ZBTB9: variants seen among roughly 807,000 people sequenced by gnomAD.
ZBTB9 encodes the protein zinc finger and BTB domain-containing protein 9.
A neutral mutation model predicts 26.3 loss-of-function variants in ZBTB9; 17 were observed. That is an observed-to-expected ratio of 0.65 (90% CI 0.44 to 0.97). The LOEUF is 0.97. ZBTB9 is among the 50% of genes least tolerant of loss of function. The pLI is 0.00. For synonymous variants in ZBTB9, 226 were observed against 234.3 expected, an observed-to-expected ratio of 0.96 and a Z score of 0.32; for missense variants, 510 against 594.2, an observed-to-expected ratio of 0.86 and a Z score of 1.47.
At position 33,455,508 on chromosome 6, in the gene ZBTB9, A is replaced by T; in HGVS notation, c.408A>T (p.Glu136Asp). The T allele has an allele frequency of 6.2e-7, 1 of 1,614,138 alleles. No homozygotes were observed. The highest frequency in any genetic ancestry group is 8.5e-7 in the Non-Finnish European group (1 of 1,179,994). Residue 136 changes from glutamate to aspartate, a missense_variant, in exon 2 of 2, where the codon GAA (glutamate) becomes GAT (aspartate). By Grantham distance (45) the Glu-to-Asp change is conservative (BLOSUM62 2). Coordinates refer to ENST00000395064, the MANE Select transcript of ZBTB9 (RefSeq NM_152735.4). ...GGCAGGTAGTAGATCAGTGCTCAGAAATTCTTAGAGAATTAGAAACTTCAG... is the reference window on the plus strand; with the variant it reads ...GGCAGGTAGTAGATCAGTGCTCAGATATTCTTAGAGAATTAGAAACTTCAG... Reference protein sequence around the residue: ...QMWQVVDQCSEILRELETSGG... With the variant: ...QMWQVVDQCSDILRELETSGG...
At position 33,455,775 on chromosome 6, in the gene ZBTB9, C is replaced by G; in HGVS notation, c.675C>G (p.Asp225Glu). Reference protein sequence around the residue: ...EEEEEDDDDEDQGSATLSQTP... With the variant: ...EEEEEDDDDEEQGSATLSQTP... ...AGGAGGAAGATGATGATGATGAGGA[C>G]CAGGGGTCAGCCACACTCTCTCAGA... is the stretch of plus-strand genomic sequence containing the variant. The change falls in exon 2 of 2, where the codon GAC becomes GAG. Residue 225 changes from aspartate to glutamate, a missense_variant. Around this residue, in one of 2 missense-constraint regions of ZBTB9, gnomAD observed 439 missense variants for 460.4 expected, o/e 0.95. Coordinates refer to ENST00000395064, the MANE Select transcript of ZBTB9 (RefSeq NM_152735.4). The G allele has an allele frequency of 6.2e-7, 1 of 1,612,442 alleles. No homozygotes were observed.
In ZBTB9 at chr6:33,456,793, T is replaced by C. The variant is rs1054561758; in HGVS notation, c.*271T>C. ...ACTTAAGTTGATCACTTGCCCATGG[T>C]GGACATTTTTGTGGTGGTGATGTCC... On this transcript the variant is annotated 3_prime_UTR_variant, in exon 2 of 2. Coordinates refer to ENST00000395064, the MANE Select transcript of ZBTB9 (RefSeq NM_152735.4). The surrounding 1 kb of genome is among the most constrained non-coding windows in gnomAD (Gnocchi z 5.1). 58 of 449,510 alleles carry C rather than the reference T, an allele frequency of 1.3e-4. No individual in the cohort carries two copies. The highest frequency in any genetic ancestry group is 9.4e-4 in the African/African-American group (47 of 49,964). The allele number at this position is 449,510 out of a possible 1,614,324, so 27.8% of individuals were successfully genotyped here.
At position 33,456,673 on chromosome 6, in the gene ZBTB9, C is replaced by G; in HGVS notation, c.*151C>G. ...GGACCTCTTGTTCTTAGATATGGGC[C>G]TCTCAGCCTGGCAGATGTGGAAACT... On this transcript the variant is annotated 3_prime_UTR_variant, in exon 2 of 2. Coordinates refer to ENST00000395064, the MANE Select transcript of ZBTB9 (RefSeq NM_152735.4). This position sits in a 1 kb window ranked among gnomAD's most constrained non-coding sequence, Gnocchi z 5.1. 2 of 1,336,622 alleles carry G rather than the reference C, an allele frequency of 1.5e-6. No homozygotes were observed. Among genetic ancestry groups the G allele is most frequent in the Non-Finnish European group, 2.0e-6 (2 of 1,015,284 alleles). 82.8% of individuals were successfully genotyped at this position (1,336,622 alleles called of 1,614,324 possible). A position where few individuals can be genotyped will look rare whatever the true frequency, so the allele number is the denominator to read the frequency against.
Position 33,455,379 on chromosome 6 carries a change from C to G in ZBTB9, c.279C>G (p.Ala93=). 2.5e-6 allele frequency: 4 copies of G among 1,614,132 alleles called. No individual in the cohort carries two copies. The highest frequency in any genetic ancestry group is 2.5e-6 in the Non-Finnish European group (3 of 1,180,030). Residue 93 remains alanine (A), a synonymous_variant, in exon 2 of 2, where the codon GCC becomes GCG. Coordinates refer to ENST00000395064, the MANE Select transcript of ZBTB9 (RefSeq NM_152735.4). The part of the protein sequence containing the change: ...PRLTLPSVIE[A]DAFEGLLQLI... ...TCACTCTACCGAGTGTCATTGAAGC[C>G]GATGCCTTCGAGGGGCTGCTCCAGC... is the stretch of plus-strand genomic sequence containing the variant.
At chr6:33,454,144 C>G (rs1376282129), upstream of ZBTB9, 1 of 152,262 alleles carries the variant, frequency 6.6e-6, no homozygotes, top group Non-Finnish European at 1.5e-5. Flanking sequence ...CCCGTTTCCC[C>G]CGCCTGGAAA....
rs756259555 is a variant in ZBTB9 at position 33,455,878 on chromosome 6, C to T, written c.778C>T (p.Arg260Ter). 2.5e-6 allele frequency: 4 copies of T among 1,613,414 alleles called. No individual in the cohort carries two copies. Among genetic ancestry groups the T allele is most frequent in the Non-Finnish European group, 2.5e-6 (3 of 1,179,672 alleles). Residue 260 changes from arginine (R) to a stop codon, truncating the protein, a stop_gained, in exon 2 of 2, where the codon CGA becomes TGA. Transcript: ENST00000395064. LOFTEE classifies it high-confidence loss of function. The part of the protein sequence containing the change: ...PHPLPMTATP[R>*]KLPEGESAPL... ...CCCACTGCCCATGACTGCTACTCCC[C>T]GAAAGCTTCCAGAGGGTGAGAGTGC...
Position 33,455,572 on chromosome 6 carries a change from G to A in ZBTB9, c.472G>A (p.Ala158Thr), listed in dbSNP as rs1761467869. The change falls in exon 2 of 2, where the codon GCC becomes ACC. Residue 158 changes from alanine (A) to threonine (T), a missense_variant. Around this residue, in one of 2 missense-constraint regions of ZBTB9, gnomAD observed 439 missense variants for 460.4 expected, o/e 0.95. Coordinates refer to ENST00000395064, the MANE Select transcript of ZBTB9 (RefSeq NM_152735.4). ...ISARGGNSYH[A>T]LLSTTSSTGG... ...AGCCCGTGGAGGAAACTCCTACCAT[G>A]CCCTTCTTTCCACTACATCCTCTAC... 6.2e-7 allele frequency: 1 copy of A among 1,614,080 alleles called. No homozygotes were observed. The highest frequency in any genetic ancestry group is 8.5e-7 in the Non-Finnish European group (1 of 1,179,956).
chr6:33,457,288 T>C lies in ZBTB9; in HGVS notation c.*766T>C, dbSNP rs1317831096. ...GACTAGTGATCTCAGGAGATGGCAC[T>C]GTCCTAAAGTGCTGTCAGGGTGGCA... On this transcript the variant is annotated 3_prime_UTR_variant, in exon 2 of 2. Coordinates refer to ENST00000395064, the MANE Select transcript of ZBTB9 (RefSeq NM_152735.4). 1 of 167,150 alleles carries C rather than the reference T, an allele frequency of 6.0e-6. No individual in the cohort carries two copies. The highest frequency in any genetic ancestry group is 2.4e-5 in the African/African-American group (1 of 41,462). The allele number at this position is 167,150 out of a possible 1,614,324, so 10.4% of individuals were successfully genotyped here. A position where few individuals can be genotyped will look rare whatever the true frequency, so the allele number is the denominator to read the frequency against.
Position 33,456,417 on chromosome 6 carries a change from C to G in ZBTB9, c.1317C>G (p.Ala439=). The change falls in exon 2 of 2, where the codon GCC becomes GCG. Residue 439 remains alanine (A), a synonymous_variant. Coordinates refer to ENST00000395064, the MANE Select transcript of ZBTB9 (RefSeq NM_152735.4). The surrounding 1 kb of genome is among the most constrained non-coding windows in gnomAD (Gnocchi z 5.1). ...AGACCCATGCTGGAGCCCTGCATGC[C>G]TGTCCCCACTGTGGCCGTCGGTTCC... ...HMKTHAGALH[A]CPHCGRRFRV... The G allele has an allele frequency of 6.2e-7, 1 of 1,614,208 alleles. No homozygotes were observed. The highest frequency in any genetic ancestry group is 1.1e-5 in the South Asian group (1 of 91,084).
rs1761471584 is a variant in ZBTB9 at position 33,455,681 on chromosome 6, G to A, written c.581G>A (p.Ser194Asn). 1 of 1,614,228 alleles carries A rather than the reference G, an allele frequency of 6.2e-7. No individual in the cohort carries two copies. Among genetic ancestry groups the A allele is most frequent in the East Asian group, 2.2e-5 (1 of 44,890 alleles). The change falls in exon 2 of 2, where the codon AGC becomes AAC. Residue 194 changes from serine to asparagine, a missense_variant. Physicochemically the swap from Ser to Asn is conservative, Grantham distance 46 (BLOSUM62 1). This residue lies in a region of ZBTB9 where 439 missense variants were observed against 460.4 expected (regional missense o/e 0.95). Transcript: ENST00000395064. ...ACTGAAAGCCCTGCTTCCACTGAGA[G>A]CCCTGTGGGAGGGGAGGGAAGTGAA... ...ASTESPASTE[S>N]PVGGEGSELG... is the part of the protein sequence containing the mutation.
In ZBTB9 at chr6:33,456,009, T is replaced by C; in HGVS notation, c.909T>C (p.Pro303=). 1 of 1,614,034 alleles carries C rather than the reference T, an allele frequency of 6.2e-7. No homozygotes were observed. The highest frequency in any genetic ancestry group is 1.1e-5 in the South Asian group (1 of 91,078). Reference sequence around the variant, plus strand: ...AGATATCAGGAAGCGGAACTCAGCCTGGAGGAGCAAAGGAGGAAACCAAAG... The same window carrying C: ...AGATATCAGGAAGCGGAACTCAGCCCGGAGGAGCAAAGGAGGAAACCAAAG... ...KEEISGSGTQ[P]GGAKEETKVF... is the part of the protein sequence containing the mutation. Residue 303 remains proline, a synonymous_variant, in exon 2 of 2, where the codon CCT becomes CCC. Coordinates refer to ENST00000395064, the MANE Select transcript of ZBTB9 (RefSeq NM_152735.4). This position sits in a 1 kb window ranked among gnomAD's most constrained non-coding sequence, Gnocchi z 5.1.
rs750239257 is a variant in ZBTB9 at position 33,456,075 on chromosome 6, G to A, written c.975G>A (p.Gly325=). ...GGDTEGNGEL[G]FLLPSGPGPT... The stretch of plus-strand genomic sequence containing the variant: ...ACACTGAAGGGAATGGGGAGCTAGG[G>A]TTCTTGTTGCCTTCAGGGCCAGGGC... The change falls in exon 2 of 2, where the codon GGG becomes GGA. Residue 325 remains glycine (G), a synonymous_variant. Transcript: ENST00000395064. This position sits in a 1 kb window ranked among gnomAD's most constrained non-coding sequence, Gnocchi z 5.1. 2 of 1,614,048 alleles carry A rather than the reference G, an allele frequency of 1.2e-6. No homozygotes were observed. The highest frequency in any genetic ancestry group is 1.7e-6 in the Non-Finnish European group (2 of 1,180,010).
chr6:33,455,196 G>A lies in ZBTB9; in HGVS notation c.96G>A (p.Ser32=), dbSNP rs769987535. 7 of 1,613,952 alleles carry A rather than the reference G, an allele frequency of 4.3e-6. No homozygotes were observed. In the Admixed American group the frequency reaches 1.2e-4, roughly 27 times the overall value. The change falls in exon 2 of 2, where the codon TCG becomes TCA. Residue 32 remains serine (S), a synonymous_variant. Coordinates refer to ENST00000395064, the MANE Select transcript of ZBTB9 (RefSeq NM_152735.4). The part of the protein sequence containing the change: ...TIQIEFPQHS[S]SLLESLNRHR... ...AGATCGAGTTCCCACAGCATAGCTC[G>A]TCTCTGCTGGAATCTCTGAACCGCC...
chr6:33,455,832 TCC>T lies in ZBTB9; in HGVS notation c.735_736del (p.Arg246SerfsTer20). 1 of 1,611,158 alleles carries T rather than the reference TCC, an allele frequency of 6.2e-7. No homozygotes were observed. Among genetic ancestry groups the T allele is most frequent in the East Asian group, 2.2e-5 (1 of 44,876 alleles). ...PQPQRVSGVF[P>X]RPHGPHPLPM... ...AGCCCCAGAGAGTATCAGGGGTTTTTCCCCGTCCTCATGGACCCCACCCACTG... is the reference window on the plus strand; with the variant it reads ...AGCCCCAGAGAGTATCAGGGGTTTTTCCGTCCTCATGGACCCCACCCACTG... On this transcript the variant is annotated frameshift_variant, in exon 2 of 2. Coordinates refer to ENST00000395064, the MANE Select transcript of ZBTB9 (RefSeq NM_152735.4). LOFTEE classifies it high-confidence loss of function.
chr6:33,456,735 A>G lies in ZBTB9; in HGVS notation c.*213A>G. On this transcript the variant is annotated 3_prime_UTR_variant, in exon 2 of 2. Transcript: ENST00000395064. This position sits in a 1 kb window ranked among gnomAD's most constrained non-coding sequence, Gnocchi z 5.1. The stretch of plus-strand genomic sequence containing the variant: ...TCCCACTCCAGGTTTTGGCTAGCCA[A>G]CCCTGCAGGAAAGTGGTTTATAGGC... 2.4e-6 allele frequency: 2 copies of G among 846,262 alleles called. No individual in the cohort carries two copies. Among genetic ancestry groups the G allele is most frequent in the Admixed American group, 3.6e-5 (1 of 27,858 alleles). The allele number at this position is 846,262 out of a possible 1,614,324, so 52.4% of individuals were successfully genotyped here. A position where few individuals can be genotyped will look rare whatever the true frequency, so the allele number is the denominator to read the frequency against.
At chr6:33,454,985 C>T (rs973407195) in intron 1 of ZBTB9, 45 bp from the exon 2 acceptor site, 79 of 1,461,556 alleles carry the variant, frequency 5.4e-5, no homozygotes, top group Non-Finnish European at 6.6e-5. Flanking sequence ...AGATGTGGCT[C>T]CCTTTATCCA....
At position 33,455,989 on chromosome 6, in the gene ZBTB9, T is replaced by A; in HGVS notation, c.889T>A (p.Ser297Thr). The A allele has an allele frequency of 1.2e-6, 2 of 1,613,942 alleles. No homozygotes were observed. The highest frequency in any genetic ancestry group is 1.7e-6 in the Non-Finnish European group (2 of 1,179,972). The stretch of plus-strand genomic sequence containing the variant: ...ACCCTTCGAGCCTAAGGAGGAGATA[T>A]CAGGAAGCGGAACTCAGCCTGGAGG... ...QEPFEPKEEI[S>T]GSGTQPGGAK... The change falls in exon 2 of 2, where the codon TCA becomes ACA. Residue 297 changes from serine (S) to threonine (T), a missense_variant. By Grantham distance (58) the Ser-to-Thr change is moderately conservative. Coordinates refer to ENST00000395064, the MANE Select transcript of ZBTB9 (RefSeq NM_152735.4).
At position 33,455,836 on chromosome 6, in the gene ZBTB9, C is replaced by T. The variant is rs1391426171; in HGVS notation, c.736C>T (p.Arg246Cys). Residue 246 changes from arginine to cysteine, a missense_variant, in exon 2 of 2, where the codon CGT (arginine) becomes TGT (cysteine). Coordinates refer to ENST00000395064, the MANE Select transcript of ZBTB9 (RefSeq NM_152735.4). ...QPQRVSGVFP[R>C]PHGPHPLPMT... The stretch of plus-strand genomic sequence containing the variant: ...CCAGAGAGTATCAGGGGTTTTTCCC[C>T]GTCCTCATGGACCCCACCCACTGCC... 11 of 1,611,366 alleles carry T rather than the reference C, an allele frequency of 6.8e-6. No individual in the cohort carries two copies. The highest frequency in any genetic ancestry group is 9.3e-6 in the Non-Finnish European group (11 of 1,178,618).
At position 33,457,207 on chromosome 6, in the gene ZBTB9, G is replaced by C. The variant is rs1298915295; in HGVS notation, c.*685G>C. ...TCTTCCCTCAACAGCCTGTGCCTCT[G>C]GTCTACCTTTGACCACCACTGATAA... On this transcript the variant is annotated 3_prime_UTR_variant, in exon 2 of 2. Transcript: ENST00000395064. 2 of 167,022 alleles carry C rather than the reference G, an allele frequency of 1.2e-5. No homozygotes were observed. The highest frequency in any genetic ancestry group is 1.5e-5 in the Non-Finnish European group (1 of 68,136). The allele number at this position is 167,022 out of a possible 1,614,324, so 10.3% of individuals were successfully genotyped here. A position where few individuals can be genotyped will look rare whatever the true frequency, so the allele number is the denominator to read the frequency against.
Sources: gnomAD v4.1 joint callset for allele counts on GRCh38, gnomAD v4.1.1 for gene constraint, gnomAD v4.1.1 regional missense constraint, Gnocchi (gnomAD v3.1) non-coding constraint, MANE v1.5 for transcripts, NCBI Gene and HGNC (gene_info 2026-07-23, HGNC 2026-07-21) for gene names.